GLI3: variants seen among roughly 807,000 people sequenced by gnomAD.
GLI3 encodes GLI family zinc finger 3.
In GLI3, 20 loss-of-function variants were observed where a neutral mutation model predicts 100.8. The ratio of observed to expected loss-of-function variants is 0.20; its 90% CI spans 0.14 to 0.29. The LOEUF is 0.29. GLI3 is among the 10% of genes least tolerant of loss of function. The pLI is 1.00. For synonymous variants in GLI3, 938 were observed against 860.5 expected (o/e 1.09, Z -1.58); for missense variants, 2,040 against 2,128.5 (o/e 0.96, Z 0.82).
chr7:41,984,898 T>C (rs913282470), intron 10 of GLI3, among the ~76,000 whole-genome samples: 3 of 152,242 alleles, frequency 2.0e-5, no homozygotes, highest in African/African-American at 7.2e-5. Flanking sequence ...TATATGTTCA[T>C]AGTTTTCAAA....
intron 10 of GLI3, among the ~76,000 whole-genome samples, chr7:41,980,867 G>A (rs1787646462): frequency 6.6e-6 from 1 of 152,144 alleles, no homozygotes; most frequent in Admixed American, 6.5e-5. Flanking sequence ...CTTGCCCCAA[G>A]GAATTAAGTC....
intron 2 of GLI3, among the ~76,000 whole-genome samples, chr7:42,181,018 A>G (rs775871931): frequency 3.3e-5 from 5 of 152,184 alleles, no homozygotes; most frequent in African/African-American, 4.8e-5. Context: ...TTTGCAGGCC[A>G]GTCTGTTGTA....
intron 6 of GLI3, 73 bp downstream of exon 6, chr7:42,045,311 G>C: frequency 7.3e-7 from 1 of 1,362,530 alleles, no homozygotes; most frequent in Middle Eastern, 1.8e-4. Context: ...CCTAATCTTT[G>C]TATCTTCTTC....
intron 2 of GLI3, among the ~76,000 whole-genome samples, chr7:42,187,446 T>A (rs1016389403): frequency 6.6e-6 from 1 of 152,134 alleles, no homozygotes; most frequent in African/African-American, 2.4e-5. Flanking sequence ...GGGTGAAAGT[T>A]CATTTATCAT....
chr7:42,200,186 G>A (rs1191554460), intron 2 of GLI3, among the ~76,000 whole-genome samples: 2 of 152,298 alleles, frequency 1.3e-5, no homozygotes, highest in East Asian at 1.9e-4. Flanking sequence ...TGGAGGTCAC[G>A]GAGAGTCAAA....
At chr7:42,027,385 T>C (rs2128732580) in intron 7 of GLI3, among the ~76,000 whole-genome samples, 1 of 152,286 alleles carries the variant, frequency 6.6e-6, no homozygotes, top group African/African-American at 2.4e-5. Context: ...TATATATATA[T>C]ATGTATGTAT....
chr7:42,242,118 C>A (rs1245639477), upstream of GLI3, among the ~76,000 whole-genome samples: 1 of 152,156 alleles, frequency 6.6e-6, no homozygotes, highest in Non-Finnish European at 1.5e-5. Flanking sequence ...CCTTCATGAC[C>A]ATCTCTTATC....
chr7:42,172,530 G>A, intron 2 of GLI3: 1 of 702,874 alleles, frequency 1.4e-6, no homozygotes, highest in Non-Finnish European at 2.6e-6. Context: ...CTAGGTAAAT[G>A]TATGGGTTTG....
intron 10 of GLI3, among the ~76,000 whole-genome samples, chr7:42,017,475 C>T (rs886474593): frequency 1.3e-5 from 2 of 152,138 alleles, no homozygotes; most frequent in Non-Finnish European, 2.9e-5. Context: ...TGTTCACAGC[C>T]CCCCGCCACT....
chr7:42,175,653 C>G (rs1281918877), intron 2 of GLI3, among the ~76,000 whole-genome samples: 1 of 151,406 alleles, frequency 6.6e-6, no homozygotes, highest in African/African-American at 2.4e-5. Context: ...GTCTCTCTTA[C>G]AAAACTTTTG....
intron 3 of GLI3, among the ~76,000 whole-genome samples, chr7:42,129,596 G>A (rs1324719164): frequency 6.6e-6 from 1 of 152,128 alleles, no homozygotes; most frequent in Admixed American, 6.5e-5. Flanking sequence ...GGATCACGAG[G>A]TCAGGAGTAC....
At chr7:42,189,071 G>C (rs1030113011) in intron 2 of GLI3, among the ~76,000 whole-genome samples, 1 of 152,128 alleles carries the variant, frequency 6.6e-6, no homozygotes, top group African/African-American at 2.4e-5. Flanking sequence ...TGTTGACAGT[G>C]GGGGAGGTTG....
At chr7:42,128,864 G>A (rs920240911) in intron 3 of GLI3, among the ~76,000 whole-genome samples, 2 of 152,194 alleles carry the variant, frequency 1.3e-5, no homozygotes, top group South Asian at 2.1e-4. Flanking sequence ...TTTTAGAGAT[G>A]AGGAAGCCAG....
At chr7:42,084,001 T>C (rs997413265) in intron 3 of GLI3, among the ~76,000 whole-genome samples, 1 of 152,244 alleles carries the variant, frequency 6.6e-6, no homozygotes, top group Non-Finnish European at 1.5e-5. Flanking sequence ...AAAAGTAAGC[T>C]ATTTCTAAAA....
intron 3 of GLI3, among the ~76,000 whole-genome samples, chr7:42,086,084 C>T (rs1785096244): frequency 6.6e-6 from 1 of 152,186 alleles, no homozygotes; most frequent in Admixed American, 6.5e-5. Flanking sequence ...CCAAGGTTTG[C>T]CCCATAAATA....
chr7:42,084,295 CTCTG>C (rs1363288922), intron 3 of GLI3, among the ~76,000 whole-genome samples: 1 of 152,218 alleles, frequency 6.6e-6, no homozygotes, highest in Non-Finnish European at 1.5e-5. Flanking sequence ...CCAAATGTTC[CTCTG>C]CAAGTGAACT....
At chr7:42,245,151 G>C (rs1403042980) in intron 1 of GLI3, among the ~76,000 whole-genome samples, 2 of 152,152 alleles carry the variant, frequency 1.3e-5, no homozygotes, top group Admixed American at 1.3e-4. Context: ...GAAGATCTCA[G>C]TGATGGCGAT....
Position 41,992,318 on chromosome 7 carries a change from T to A in GLI3, c.1498-13570A>T, listed in dbSNP as rs576627331. On this transcript the variant is annotated intron_variant, in intron 10 of 14. Coordinates refer to ENST00000395925, the MANE Select transcript of GLI3 (RefSeq NM_000168.6). ...ATACCGAAGTCTCCAGCTTGAAAGA[T>A]CTGAGACAATAACAGTATTGGAGGG... Among the ~76,000 whole-genome samples, 50 of 152,298 alleles carry A rather than the reference T, an allele frequency of 3.3e-4. No individual in the cohort carries two copies. The South Asian group carries it at 9.7e-3, about 30-fold the overall frequency.
chr7:41,992,573 C>T (rs571447797), intron 10 of GLI3, among the ~76,000 whole-genome samples: 2 of 152,142 alleles, frequency 1.3e-5, no homozygotes, highest in South Asian at 4.2e-4. Flanking sequence ...TTCACAAAGC[C>T]CAATTTGAAA....
Sources: gnomAD v4.1 joint callset for allele counts (sites outside exome capture counted in the v4.1 genomes callset) on GRCh38, gnomAD v4.1.1 for gene constraint, MANE v1.5 for transcripts, NCBI Gene and HGNC (gene_info 2026-07-23, HGNC 2026-07-21) for gene names.